C3orf33: variants seen among roughly 807,000 people sequenced by gnomAD.
C3orf33 encodes the protein AP-1 activity suppressor.
Under a neutral mutation model 28.7 loss-of-function variants are expected in C3orf33, and 23 were observed. The observed-to-expected ratio is 0.80, with a 90% CI of 0.58 to 1.13. The LOEUF (loss-of-function observed/expected upper bound fraction) is 1.13, where lower values mean the gene tolerates loss of function less well. Among genes scored for constraint, C3orf33 ranks in the 50% most tolerant of loss-of-function variants. C3orf33 has a pLI of 0.00. For synonymous variants in C3orf33, 119 were observed against 120.5 expected (o/e 0.99, Z 0.08); for missense variants, 327 against 353.4 (o/e 0.93, Z 0.60).
At chr3:155,775,096 C>T (rs990831380) in intron 3 of C3orf33, among the ~76,000 whole-genome samples, 3 of 152,120 alleles carry the variant, frequency 2.0e-5, no homozygotes, top group African/African-American at 7.2e-5. Context: ...GTTAAAAGAG[C>T]TTTGTTTTAC....
intron 1 of C3orf33, among the ~76,000 whole-genome samples, chr3:155,802,804 C>T (rs1025552684): frequency 1.3e-5 from 2 of 152,130 alleles, no homozygotes; most frequent in Admixed American, 1.3e-4. Flanking sequence ...CAAATTCTTT[C>T]CCAATCTGGC....
At chr3:155,771,280 G>A (rs575499894) in intron 3 of C3orf33, among the ~76,000 whole-genome samples, 22 of 152,056 alleles carry the variant, frequency 1.4e-4, no homozygotes, top group Non-Finnish European at 2.1e-4. Context: ...TAATTTTGTT[G>A]TTTATTTGTT....
At chr3:155,795,503 T>A (rs1251865783) in intron 2 of C3orf33, among the ~76,000 whole-genome samples, 8 of 151,982 alleles carry the variant, frequency 5.3e-5, no homozygotes, top group Admixed American at 3.9e-4. Flanking sequence ...CAAAATTATA[T>A]CAAATATCTT....
rs577466726 is a variant in C3orf33, at chr3:155,770,785, T to C, written c.323-3116A>G. Among the ~76,000 whole-genome samples the C allele has an allele frequency of 4.6e-5, 7 of 151,836 alleles. No individual in the cohort carries two copies. The South Asian group carries it at 1.3e-3, about 27-fold the overall frequency. On this transcript the variant is annotated intron_variant, in intron 3 of 4. Coordinates refer to ENST00000340171, the MANE Select transcript of C3orf33 (RefSeq NM_001308229.2). Reference sequence around the variant, plus strand: ...AAGTGATTCTCCTGCCTCAGCCTCCTGAGTAGCTGGAATTACAAGCGCATG... The same window carrying C: ...AAGTGATTCTCCTGCCTCAGCCTCCCGAGTAGCTGGAATTACAAGCGCATG...
chr3:155,774,312 G>C (rs914041848), intron 3 of C3orf33, among the ~76,000 whole-genome samples: 1 of 152,182 alleles, frequency 6.6e-6, no homozygotes, highest in African/African-American at 2.4e-5. Flanking sequence ...ATAAATTGTT[G>C]TGGGGTATAG....
intron 2 of C3orf33, among the ~76,000 whole-genome samples, chr3:155,801,597 A>T: frequency 6.6e-6 from 1 of 152,192 alleles, no homozygotes; most frequent in Non-Finnish European, 1.5e-5. Flanking sequence ...TAGTAATACC[A>T]GGCTAAGTGA....
chr3:155,775,687 TG>T lies in C3orf33; in HGVS notation c.322+13del. 6.7e-7 allele frequency: 1 copy of T among 1,486,092 alleles called. No homozygotes were observed. The highest frequency in any genetic ancestry group is 9.2e-7 in the Non-Finnish European group (1 of 1,089,222). 92.1% of individuals were successfully genotyped at this position (1,486,092 alleles called of 1,614,324 possible). A position where few individuals can be genotyped will look rare whatever the true frequency, so the allele number is the denominator to read the frequency against. ...CCACAATAGTTAGTTTCATTAATCT[TG>T]TACCTTACTTACTTCTCAATGAAGC... On this transcript the variant is annotated intron_variant, in intron 3 of 4. Transcript: ENST00000340171.
At chr3:155,788,402 C>T (rs1364424978) in intron 2 of C3orf33, among the ~76,000 whole-genome samples, 1 of 151,078 alleles carries the variant, frequency 6.6e-6, no homozygotes, top group Non-Finnish European at 1.5e-5. Flanking sequence ...AAACCATATT[C>T]GGCTGGGCGC....
chr3:155,802,074 G>GA (rs947788802), intron 2 of C3orf33, among the ~76,000 whole-genome samples: 1 of 152,062 alleles, frequency 6.6e-6, no homozygotes, highest in African/African-American at 2.4e-5. Context: ...AATGGGCATA[G>GA]AAAAAATATT....
chr3:155,787,917 C>G (rs1010937781), intron 2 of C3orf33, among the ~76,000 whole-genome samples: 11 of 151,942 alleles, frequency 7.2e-5, no homozygotes, highest in Non-Finnish European at 1.2e-4. Flanking sequence ...ATAGGCCGGG[C>G]GCGGTGGCTC....
intron 3 of C3orf33, among the ~76,000 whole-genome samples, chr3:155,768,072 G>A (rs1284205517): frequency 6.6e-6 from 1 of 152,016 alleles, no homozygotes; most frequent in Non-Finnish European, 1.5e-5. Context: ...TAGAGACAGG[G>A]TCTCGTTATG....
intron 2 of C3orf33, among the ~76,000 whole-genome samples, chr3:155,798,361 T>G (rs1751540429): frequency 6.6e-6 from 1 of 152,166 alleles, no homozygotes; most frequent in Non-Finnish European, 1.5e-5. Context: ...TCACATTACT[T>G]GACTTCAAAT....
intron 2 of C3orf33, among the ~76,000 whole-genome samples, chr3:155,799,459 C>A (rs1228329356): frequency 6.6e-6 from 1 of 152,070 alleles, no homozygotes; most frequent in Non-Finnish European, 1.5e-5. Flanking sequence ...GAGGCCAAGG[C>A]AGGCAGATCA....
At chr3:155,766,260 CA>C (rs1318747490) in intron 4 of C3orf33, among the ~76,000 whole-genome samples, 1 of 152,010 alleles carries the variant, frequency 6.6e-6, no homozygotes, top group East Asian at 1.9e-4. Context: ...GATGGCCCAC[CA>C]AAAAAATCTG....
At chr3:155,787,868 G>C (rs1397326209) in intron 2 of C3orf33, among the ~76,000 whole-genome samples, 2 of 151,854 alleles carry the variant, frequency 1.3e-5, no homozygotes, top group African/African-American at 2.4e-5. Flanking sequence ...ATTTATTCCT[G>C]AAATGCAAGA....
intron 2 of C3orf33, among the ~76,000 whole-genome samples, chr3:155,781,018 T>G (rs1750904078): frequency 6.8e-6 from 1 of 146,268 alleles, no homozygotes; most frequent in Admixed American, 6.8e-5. Flanking sequence ...TGAGACGGAG[T>G]CTCGCTCTGT....
intron 2 of C3orf33, among the ~76,000 whole-genome samples, chr3:155,797,806 CA>C (rs1347614714): frequency 6.6e-6 from 1 of 152,224 alleles, no homozygotes; most frequent in East Asian, 1.9e-4. Context: ...CACAGTGGCT[CA>C]TGCCTGTAAT....
intron 2 of C3orf33, among the ~76,000 whole-genome samples, chr3:155,793,747 T>C (rs989695580): frequency 7.2e-6 from 1 of 139,134 alleles, no homozygotes; most frequent in African/African-American, 2.6e-5. Flanking sequence ...GAGGCAGAGT[T>C]TGCAGTGAGC....
chr3:155,803,578 A>AG (rs1309425046), intron 1 of C3orf33, among the ~76,000 whole-genome samples: 1 of 142,376 alleles, frequency 7.0e-6, no homozygotes, highest in African/African-American at 2.6e-5. Context: ...AAAAAAAAAA[A>AG]AAAAAAAGAA....
Sources: allele counts gnomAD v4.1 joint callset (sites outside exome capture counted in the v4.1 genomes callset), GRCh38; gene constraint gnomAD v4.1.1; transcripts MANE v1.5; gene names NCBI Gene and HGNC (gene_info 2026-07-23, HGNC 2026-07-21).